SMCO2: variants seen among roughly 807,000 people sequenced by gnomAD.
SMCO2 encodes the protein single-pass membrane and coiled-coil domain-containing protein 2.
In SMCO2, 25 loss-of-function variants were observed where a neutral mutation model predicts 29.5. That is an observed-to-expected ratio of 0.85 (90% CI 0.62 to 1.18). The LOEUF (loss-of-function observed/expected upper bound fraction) is 1.18, where lower values mean the gene tolerates loss of function less well. SMCO2 is among the 50% of genes most tolerant of loss of function. The pLI, the probability that SMCO2 is intolerant of heterozygous loss-of-function variation, is 0.00. For missense variants in SMCO2, 348 were observed against 344.5 expected (o/e 1.01, Z -0.08); for synonymous variants, 117 against 123.3 (o/e 0.95, Z 0.34).
chr12:27,446,153 C>T, the SMCO2 span, among the ~76,000 whole-genome samples: 1 of 152,148 alleles, frequency 6.6e-6, no homozygotes, highest in Non-Finnish European at 1.5e-5. Context: ...CCACCCACCT[C>T]AGCCTCCCAA....
intron 3 of SMCO2, 167 bp downstream of exon 3, chr12:27,473,042 AT>A: frequency 1.7e-6 from 1 of 577,476 alleles, no homozygotes; most frequent in Non-Finnish European, 3.1e-6. Flanking sequence ...GGAATATGGC[AT>A]TGTTCCCACT....
the SMCO2 span, among the ~76,000 whole-genome samples, chr12:27,441,643 TC>T: frequency 6.7e-6 from 1 of 149,268 alleles, no homozygotes. Context: ...CTTTAACACC[TC>T]ATTCACAGTA....
the SMCO2 span, among the ~76,000 whole-genome samples, chr12:27,449,880 G>A: frequency 0.023 from 3,433 of 152,274 alleles, 136 homozygotes; most frequent in African/African-American, 0.079. Flanking sequence ...GCCTGGCTAC[G>A]TGGGTCCGAA....
chr12:27,427,464 G>A, the SMCO2 span, among the ~76,000 whole-genome samples: 1 of 152,174 alleles, frequency 6.6e-6, no homozygotes, highest in Non-Finnish European at 1.5e-5. Flanking sequence ...GGGCTCTTCT[G>A]AGGAAAGTAG....
intron 4 of SMCO2, among the ~76,000 whole-genome samples, chr12:27,483,803 A>T (rs574956): frequency 3.2e-4 from 48 of 152,050 alleles, no homozygotes; most frequent in African/African-American, 9.4e-4. Context: ...CCTTCAAGTA[A>T]TATTTTACCT....
chr12:27,501,415 CAAAAAAAAAAAA>C (rs540673188), intron 7 of SMCO2, among the ~76,000 whole-genome samples: 2 of 85,870 alleles, frequency 2.3e-5, no homozygotes, highest in Non-Finnish European at 4.3e-5. Context: ...GACTCCGTCT[CAAAAAAAAAAAA>C]AAAAAAAAAA....
At chr12:27,479,029 G>A (rs971413525) in intron 4 of SMCO2, among the ~76,000 whole-genome samples, 18 of 152,192 alleles carry the variant, frequency 1.2e-4, no homozygotes, top group African/African-American at 4.1e-4. Context: ...CAGCAGTAGG[G>A]GTGGGTTGAA....
Position 27,471,276 on chromosome 12 carries a change from A to G in SMCO2, c.134+511A>G, listed in dbSNP as rs139485752. 6.1e-4 allele frequency among the ~76,000 whole-genome samples: 93 copies of G among 152,330 alleles called. 1 individual carries two copies. The Middle Eastern group carries it at 0.01, about 17-fold the overall frequency. ...ATCAAAGATGTTCTTAAATGCATTT[A>G]TAATTTATTGAAGATAGTAGCATAC... On this transcript the variant is annotated intron_variant, in intron 2 of 7. Transcript: ENST00000298876.
At chr12:27,473,157 A>G (rs1269635092) in intron 3 of SMCO2, 1 of 338,250 alleles carries the variant, frequency 3.0e-6, no homozygotes, top group Non-Finnish European at 5.6e-6. Context: ...AATTTATGAA[A>G]TAACTGTGAC....
At chr12:27,435,419 G>C in the SMCO2 span, among the ~76,000 whole-genome samples, 1 of 150,276 alleles carries the variant, frequency 6.7e-6, no homozygotes, top group Non-Finnish European at 1.5e-5. Flanking sequence ...TAAAGAGGTA[G>C]TTTTCCTTTC....
chr12:27,433,979 C>T, the SMCO2 span, among the ~76,000 whole-genome samples: 4 of 152,294 alleles, frequency 2.6e-5, no homozygotes, highest in South Asian at 8.3e-4. Context: ...CATCTCAGCT[C>T]ACTGCAACTC....
At chr12:27,466,052 T>C (rs1949496252), upstream of SMCO2, among the ~76,000 whole-genome samples, 1 of 151,966 alleles carries the variant, frequency 6.6e-6, no homozygotes, top group African/African-American at 2.4e-5. Context: ...GTTGTAAAAG[T>C]GTAATAATAA....
At chr12:27,439,021 G>A in the SMCO2 span, among the ~76,000 whole-genome samples, 4 of 152,158 alleles carry the variant, frequency 2.6e-5, no homozygotes, top group Non-Finnish European at 5.9e-5. Context: ...AAGTGAAATT[G>A]AGGTGGTTAA....
At chr12:27,500,148 ATT>A (rs34538178) in intron 7 of SMCO2, among the ~76,000 whole-genome samples, 24 of 149,228 alleles carry the variant, frequency 1.6e-4, no homozygotes, top group East Asian at 5.8e-4. Context: ...TTAGTTAACT[ATT>A]TTTTTTTCCC....
chr12:27,433,183 T>C, the SMCO2 span, among the ~76,000 whole-genome samples: 3 of 152,228 alleles, frequency 2.0e-5, no homozygotes, highest in East Asian at 5.8e-4. Context: ...TAGACGTGTG[T>C]GTGTGTGTAT....
chr12:27,497,885 G>T (rs1292939945), intron 7 of SMCO2: 1 of 343,214 alleles, frequency 2.9e-6, no homozygotes. Context: ...ATTTGCTGCT[G>T]CTCAAAAGAT....
intron 4 of SMCO2, among the ~76,000 whole-genome samples, chr12:27,479,617 C>T (rs1006441260): frequency 1.3e-5 from 2 of 152,100 alleles, no homozygotes; most frequent in African/African-American, 4.8e-5. Flanking sequence ...CCCATAATTC[C>T]CGTGTGTTGT....
At chr12:27,492,646 T>G (rs552500190) in intron 5 of SMCO2, among the ~76,000 whole-genome samples, 1 of 152,326 alleles carries the variant, frequency 6.6e-6, no homozygotes, top group South Asian at 2.1e-4. Flanking sequence ...TCTCCCACAC[T>G]GGTCAGAATG....
At chr12:27,457,078 A>C in the SMCO2 span, among the ~76,000 whole-genome samples, 6 of 151,988 alleles carry the variant, frequency 3.9e-5, no homozygotes, top group Admixed American at 2.6e-4. Flanking sequence ...CTTTCACGAA[A>C]CTGGTCCCTG....
Sources: gnomAD v4.1 joint callset for allele counts (sites outside exome capture counted in the v4.1 genomes callset) on GRCh38, gnomAD v4.1.1 for gene constraint, MANE v1.5 for transcripts, NCBI Gene and HGNC (gene_info 2026-07-23, HGNC 2026-07-21) for gene names.